The following B3GALT1 variants were observed in gnomAD, a reference collection of about 807,000 sequenced individuals.
B3GALT1 encodes the protein beta-1,3-galactosyltransferase 1, also known as UDP-Gal:betaGlcNAc beta 1,3-galactosyltransferase, polypeptide 1.
A neutral mutation model predicts 23.2 loss-of-function variants in B3GALT1; 10 were observed. That is an observed-to-expected ratio of 0.43 (90% CI 0.27 to 0.73). B3GALT1 has a LOEUF of 0.73. B3GALT1 is among the 30% of genes least tolerant of loss of function. The pLI, the probability that B3GALT1 is intolerant of heterozygous loss-of-function variation, is 0.21. For missense variants in B3GALT1, 299 were observed against 405.4 expected (o/e 0.74, Z 2.25); for synonymous variants, 156 against 141.5 (o/e 1.10, Z -0.73).
chr2:167,597,674 A>G (rs928209418), intron 2 of B3GALT1, among the ~76,000 whole-genome samples: 1 of 152,186 alleles, frequency 6.6e-6, no homozygotes, highest in African/African-American at 2.4e-5. Flanking sequence ...AGAATGAGGT[A>G]TTTTGAAGCA....
chr2:167,523,329 T>C (rs1358205838), intron 2 of B3GALT1, among the ~76,000 whole-genome samples: 2 of 152,092 alleles, frequency 1.3e-5, no homozygotes, highest in Non-Finnish European at 2.9e-5. Flanking sequence ...CTAAAGGGTA[T>C]GTAATGAAAA....
chr2:167,536,440 A>G (rs1295073899), intron 2 of B3GALT1, among the ~76,000 whole-genome samples: 3 of 152,208 alleles, frequency 2.0e-5, no homozygotes, highest in Non-Finnish European at 4.4e-5. Context: ...TCTTTTTATA[A>G]TGCAGACTAG....
intron 3 of B3GALT1, among the ~76,000 whole-genome samples, chr2:167,803,943 C>T (rs1255273415): frequency 2.0e-5 from 3 of 152,100 alleles, no homozygotes; most frequent in African/African-American, 7.2e-5. Flanking sequence ...GACTTTTTTC[C>T]AGGGGAATAT....
chr2:167,437,754 A>G (rs1400254791), intron 1 of B3GALT1, among the ~76,000 whole-genome samples: 1 of 152,182 alleles, frequency 6.6e-6, no homozygotes, highest in African/African-American at 2.4e-5. Context: ...AGCCACAGAA[A>G]ATCCCCAAAT....
chr2:167,538,640 T>C (rs893871306), intron 2 of B3GALT1, among the ~76,000 whole-genome samples: 6 of 152,216 alleles, frequency 3.9e-5, no homozygotes, highest in South Asian at 2.1e-4. Flanking sequence ...GAGATGTCTT[T>C]AGTTATTCTC....
intron 2 of B3GALT1, among the ~76,000 whole-genome samples, chr2:167,578,913 T>C (rs994131386): frequency 1.1e-4 from 17 of 152,034 alleles, no homozygotes; most frequent in African/African-American, 3.4e-4. Flanking sequence ...AACCACAGAA[T>C]GGAGCGTGTA....
intron 1 of B3GALT1, among the ~76,000 whole-genome samples, chr2:167,307,885 TA>T (rs1696573849): frequency 6.6e-6 from 1 of 152,006 alleles, no homozygotes; most frequent in African/African-American, 2.4e-5. Flanking sequence ...CTTTCCAAGA[TA>T]GAAAAACATA....
At chr2:167,298,191 A>T (rs1696386864) in intron 1 of B3GALT1, among the ~76,000 whole-genome samples, 1 of 152,172 alleles carries the variant, frequency 6.6e-6, no homozygotes, top group South Asian at 2.1e-4. Flanking sequence ...AGCTGGGAAG[A>T]ACCCAGGTGA....
rs535799600 is a variant in B3GALT1, at chr2:167,307,717, C to G, written c.-511+14383C>G. 2.0e-5 allele frequency among the ~76,000 whole-genome samples: 3 copies of G among 151,966 alleles called. No individual in the cohort carries two copies. In the South Asian group the frequency reaches 6.2e-4, roughly 32 times the overall value. ...ATAGTGCTGAGCCTCTTTCTTTTTC[C>G]TCTGCTGTACTGTTTAGGGATGTCT... On this transcript the variant is annotated intron_variant, in intron 1 of 4. Transcript: ENST00000392690.
chr2:167,451,337 A>T (rs1238807937), intron 1 of B3GALT1, among the ~76,000 whole-genome samples: 1 of 152,150 alleles, frequency 6.6e-6, no homozygotes, highest in Non-Finnish European at 1.5e-5. Context: ...GTCAGAGGGA[A>T]GGTCTAGGGC....
At chr2:167,394,980 A>G (rs568553281) in intron 1 of B3GALT1, among the ~76,000 whole-genome samples, 49 of 152,146 alleles carry the variant, frequency 3.2e-4, no homozygotes, top group Non-Finnish European at 6.8e-4. Flanking sequence ...TGGAGGAAGA[A>G]TTTTGCCCCT....
At chr2:167,458,400 A>T (rs1392854780) in intron 1 of B3GALT1, among the ~76,000 whole-genome samples, 1 of 152,230 alleles carries the variant, frequency 6.6e-6, no homozygotes, top group Non-Finnish European at 1.5e-5. Context: ...GCTATTGTGA[A>T]TAATGCTGCT....
At chr2:167,773,257 A>C (rs934857971) in intron 3 of B3GALT1, among the ~76,000 whole-genome samples, 1 of 152,204 alleles carries the variant, frequency 6.6e-6, no homozygotes, top group Non-Finnish European at 1.5e-5. Context: ...TTGTATTTGA[A>C]TATAAAAATG....
chr2:167,746,067 G>C lies in B3GALT1; in HGVS notation c.-351-72605G>C, dbSNP rs923859344. Among the ~76,000 whole-genome samples the C allele has an allele frequency of 7.2e-5, 11 of 152,160 alleles. No individual in the cohort carries two copies. In the East Asian group the frequency reaches 1.9e-3, roughly 27 times the overall value. ...ATGAATTGTTGTGGTTAGAAAAGGAGAAGTAAGGGATGATTTAGAAAGTGG... is the reference window on the plus strand; with the variant it reads ...ATGAATTGTTGTGGTTAGAAAAGGACAAGTAAGGGATGATTTAGAAAGTGG... On this transcript the variant is annotated intron_variant, in intron 3 of 4. Coordinates refer to ENST00000392690, the MANE Select transcript of B3GALT1 (RefSeq NM_020981.4).
chr2:167,785,900 C>A (rs1688335892), intron 3 of B3GALT1, among the ~76,000 whole-genome samples: 1 of 152,164 alleles, frequency 6.6e-6, no homozygotes, highest in Non-Finnish European at 1.5e-5. Context: ...GCTCTGTTCA[C>A]CCTTGGGATT....
intron 3 of B3GALT1, among the ~76,000 whole-genome samples, chr2:167,783,259 C>T (rs191194347): frequency 3.0e-4 from 46 of 151,782 alleles, no homozygotes; most frequent in African/African-American, 1.0e-3. Flanking sequence ...AAAGAGTACA[C>T]GGAGGGAAAA....
chr2:167,562,863 G>C (rs1684037853), intron 2 of B3GALT1, among the ~76,000 whole-genome samples: 1 of 152,076 alleles, frequency 6.6e-6, no homozygotes, highest in South Asian at 2.1e-4. Flanking sequence ...TAAGGAGCAT[G>C]CTGCCTTCAA....
chr2:167,708,223 G>A (rs963579590), intron 3 of B3GALT1, among the ~76,000 whole-genome samples: 3 of 152,188 alleles, frequency 2.0e-5, no homozygotes, highest in Admixed American at 6.5e-5. Context: ...AATTTTACCT[G>A]AAGTGTGAGG....
At chr2:167,347,505 A>G (rs1697238822) in intron 1 of B3GALT1, among the ~76,000 whole-genome samples, 2 of 152,198 alleles carry the variant, frequency 1.3e-5, no homozygotes, top group African/African-American at 4.8e-5. Flanking sequence ...GTTTCTAGAA[A>G]TTGTGTGAGG....
Sources: allele counts gnomAD v4.1 joint callset (sites outside exome capture counted in the v4.1 genomes callset), GRCh38; gene constraint gnomAD v4.1.1; transcripts MANE v1.5; gene names NCBI Gene and HGNC (gene_info 2026-07-23, HGNC 2026-07-21).